The following ADAM9 variants were observed in gnomAD, a reference collection of about 807,000 sequenced individuals.
ADAM9 encodes ADAM metallopeptidase domain 9, also known as disintegrin and metalloproteinase domain-containing protein 9.
Under a neutral mutation model 108.1 loss-of-function variants are expected in ADAM9, and 54 were observed. That is an observed-to-expected ratio of 0.50 (90% CI 0.40 to 0.63). The LOEUF is 0.63. Among genes scored for constraint, ADAM9 ranks in the 20% least tolerant of loss-of-function variants. ADAM9 has a pLI of 0.00. For missense variants in ADAM9, 830 were observed against 997.7 expected (o/e 0.83, Z 2.26); for synonymous variants, 316 against 336.0 (o/e 0.94, Z 0.65).
chr8:39,063,863 A>G (rs1411204545), intron 14 of ADAM9, among the ~76,000 whole-genome samples: 3 of 152,310 alleles, frequency 2.0e-5, no homozygotes, highest in African/African-American at 7.2e-5. Flanking sequence ...GATACCCTAC[A>G]AGGCTAGGAG....
chr8:39,045,351 T>C (rs1380911397), intron 12 of ADAM9, among the ~76,000 whole-genome samples: 1 of 121,168 alleles, frequency 8.3e-6, no homozygotes, highest in East Asian at 2.7e-4. Flanking sequence ...TACATGTGTG[T>C]ACATACATAT....
intron 20 of ADAM9, among the ~76,000 whole-genome samples, 195 bp downstream of exon 20, chr8:39,091,541 A>G (rs1388926876): frequency 6.6e-6 from 1 of 152,076 alleles, no homozygotes; most frequent in Non-Finnish European, 1.5e-5. Context: ...GGGGTGGAGT[A>G]CTGTGGCACA....
intron 11 of ADAM9, among the ~76,000 whole-genome samples, chr8:39,034,683 A>G (rs1426147051): frequency 6.6e-6 from 1 of 152,022 alleles, no homozygotes; most frequent in Non-Finnish European, 1.5e-5. Flanking sequence ...TTTTCATCAT[A>G]TTGGGATTTT....
intron 9 of ADAM9, among the ~76,000 whole-genome samples, chr8:39,023,684 T>TCTAGGC (rs1836821468): frequency 6.6e-6 from 1 of 151,952 alleles, no homozygotes; most frequent in Admixed American, 6.6e-5. Context: ...TTCTGATTAC[T>TCTAGGC]CTAGGCCTAA....
rs11774981 is a variant in ADAM9 at position 39,028,442 on chromosome 8, A to G, written c.1130+1632A>G. 3.7e-3 allele frequency among the ~76,000 whole-genome samples: 557 copies of G among 152,314 alleles called. 2 individuals are homozygous for G. The highest frequency in any genetic ancestry group is 5.9e-3 in the Non-Finnish European group (400 of 68,026). On this transcript the variant is annotated intron_variant, in intron 11 of 21. Transcript: ENST00000487273. ...TGTAGGAGAGGGAAGTAAATTTAGG[A>G]TTTGCTTTGGCCAGCAGTGAAGTTG...
At chr8:39,021,954 T>G (rs1362503047) in intron 8 of ADAM9, among the ~76,000 whole-genome samples, 1 of 152,210 alleles carries the variant, frequency 6.6e-6, no homozygotes, top group Non-Finnish European at 1.5e-5. Context: ...TCTTCAGAGT[T>G]GCTAGGCTTA....
intron 12 of ADAM9, among the ~76,000 whole-genome samples, chr8:39,049,380 T>C (rs1264272207): frequency 6.6e-6 from 1 of 152,104 alleles, no homozygotes; most frequent in African/African-American, 2.4e-5. Context: ...TTACACAGTT[T>C]ATGTTGTTGT....
chr8:39,102,961 A>G (rs745399471), intron 21 of ADAM9, among the ~76,000 whole-genome samples: 1 of 152,250 alleles, frequency 6.6e-6, no homozygotes, highest in Non-Finnish European at 1.5e-5. Flanking sequence ...TCTGAGGACT[A>G]TCTTCATATG....
chr8:39,021,095 T>C (rs1302342770), intron 7 of ADAM9, among the ~76,000 whole-genome samples: 1 of 152,220 alleles, frequency 6.6e-6, no homozygotes, highest in Non-Finnish European at 1.5e-5. Context: ...CTAATTTGGA[T>C]AAAATGAAGT....
chr8:39,016,026 T>C, intron 4 of ADAM9, 92 bp from the exon 5 acceptor site: 1 of 1,157,044 alleles, frequency 8.6e-7, no homozygotes, highest in Non-Finnish European at 1.3e-6. Context: ...TAAACTTGAC[T>C]GGCCTAAAGT....
Position 39,042,050 on chromosome 8 carries a change from A to G in ADAM9, c.1235A>G (p.Tyr412Cys), listed in dbSNP as rs773287430. The change falls in exon 12 of 22, where the codon TAT becomes TGT. Residue 412 changes from tyrosine to cysteine, a missense_variant. Tyr to Cys is a radical substitution (Grantham distance 194). Transcript: ENST00000487273. Reference sequence around the variant, plus strand: ...AATATTCCAAAGCCTGATGAAGCCTATAGTGCTCCCTCCTGTGGTAATAAG... The same window carrying G: ...AATATTCCAAAGCCTGATGAAGCCTGTAGTGCTCCCTCCTGTGGTAATAAG... ...LLNIPKPDEA[Y>C]SAPSCGNKLV... is the part of the protein sequence containing the mutation. 9.9e-6 allele frequency: 16 copies of G among 1,614,152 alleles called. No homozygotes were observed. Among genetic ancestry groups the G allele is most frequent in the Non-Finnish European group, 1.3e-5 (15 of 1,179,956 alleles).
At chr8:39,089,412 A>C (rs1327404348) in intron 18 of ADAM9, among the ~76,000 whole-genome samples, 1 of 152,236 alleles carries the variant, frequency 6.6e-6, no homozygotes, top group Non-Finnish European at 1.5e-5. Context: ...ATATTCTTAT[A>C]AATTGTAACC....
At chr8:39,095,879 A>T (rs1839487908) in intron 20 of ADAM9, among the ~76,000 whole-genome samples, 1 of 151,882 alleles carries the variant, frequency 6.6e-6, no homozygotes, top group Non-Finnish European at 1.5e-5. Context: ...GCACTTTTTC[A>T]TCTCTGTTTT....
chr8:39,076,732 G>A (rs890454150), intron 15 of ADAM9, among the ~76,000 whole-genome samples: 8 of 152,170 alleles, frequency 5.3e-5, no homozygotes, highest in African/African-American at 1.9e-4. Flanking sequence ...ATGAATTAAC[G>A]AGTTAATGAA....
At chr8:39,098,123 C>A (rs986586585) in intron 20 of ADAM9, among the ~76,000 whole-genome samples, 43 of 150,972 alleles carry the variant, frequency 2.8e-4, no homozygotes, top group African/African-American at 9.7e-4. Context: ...TTTTTTTTTC[C>A]TAAGAACTTT....
At chr8:39,088,133 T>C (rs556540980) in intron 18 of ADAM9, among the ~76,000 whole-genome samples, 61 of 152,040 alleles carry the variant, frequency 4.0e-4, no homozygotes, top group African/African-American at 1.3e-3. Context: ...AGAGGAGAGG[T>C]TGGTCTCAGG....
intron 11 of ADAM9, among the ~76,000 whole-genome samples, chr8:39,032,174 CTG>C (rs1837117332): frequency 6.6e-6 from 1 of 152,250 alleles, no homozygotes; most frequent in Non-Finnish European, 1.5e-5. Context: ...AGCTCAAACA[CTG>C]TGCTAGGAGA....
At chr8:39,045,028 G>T (rs1433281941) in intron 12 of ADAM9, among the ~76,000 whole-genome samples, 1 of 125,610 alleles carries the variant, frequency 8.0e-6, no homozygotes. Flanking sequence ...ATGTGTGTGT[G>T]CATACATACA....
Position 39,045,385 on chromosome 8 carries a change from G to GTGCGTGTGTACACACACCTATATGTGC in ADAM9, c.1302+3268_1302+3269insTGCGTGTGTACACACACCTATATGTGC, listed in dbSNP as rs1554579176. On this transcript the variant is annotated intron_variant, in intron 12 of 21. Coordinates refer to ENST00000487273, the MANE Select transcript of ADAM9 (RefSeq NM_003816.3). ...ATAGGTGTGTGTACATACACCTATAGGTGTGTGTACACACACCTATATGTG... is the reference window on the plus strand; with the variant it reads ...ATAGGTGTGTGTACATACACCTATAGTGCGTGTGTACACACACCTATATGTGCGTGTGTGTACACACACCTATATGTG... Among the ~76,000 whole-genome samples the GTGCGTGTGTACACACACCTATATGTGC allele has an allele frequency of 1.7e-3, 27 of 15,952 alleles. 3 individuals carry two copies. Among genetic ancestry groups the GTGCGTGTGTACACACACCTATATGTGC allele is most frequent in the South Asian group, 2.9e-3 (2 of 678 alleles). The allele number at this position is 15,952 out of a possible 152,430, so 10.5% of individuals were successfully genotyped here. A position where few individuals can be genotyped will look rare whatever the true frequency, so the allele number is the denominator to read the frequency against.
Sources: allele counts gnomAD v4.1 joint callset (sites outside exome capture counted in the v4.1 genomes callset), GRCh38; gene constraint gnomAD v4.1.1; transcripts MANE v1.5; gene names NCBI Gene and HGNC (gene_info 2026-07-23, HGNC 2026-07-21).